Variants in KMT2B observed in about 807,000 individuals in gnomAD.
The protein encoded by KMT2B is lysine methyltransferase 2B, also known as histone-lysine N-methyltransferase 2B.
A neutral mutation model predicts 255.3 loss-of-function variants in KMT2B; 22 were observed. That is an observed-to-expected ratio of 0.09 (90% CI 0.06 to 0.12). KMT2B has a LOEUF of 0.12. Among genes scored for constraint, KMT2B ranks in the 10% least tolerant of loss-of-function variants. The pLI, the probability that KMT2B is intolerant of heterozygous loss-of-function variation, is 1.00. For synonymous variants in KMT2B, 1,730 were observed against 1,498.1 expected, an observed-to-expected ratio of 1.15 and a Z score of -3.57; for missense variants, 3,149 against 3,737.0, an observed-to-expected ratio of 0.84 and a Z score of 4.10.
At chr19:35,732,177 G>A in intron 27 of KMT2B, 38 bp from the exon 28 acceptor site, 1 of 1,568,702 alleles carries the variant, frequency 6.4e-7, no homozygotes, top group Non-Finnish European at 8.7e-7. Flanking sequence ...GAGCCGCGGA[G>A]GTGGGAGCTG....
chr19:35,730,272 T>G, intron 23 of KMT2B, 70 bp from the exon 24 acceptor site: 1 of 1,602,864 alleles, frequency 6.2e-7, no homozygotes, highest in Admixed American at 1.7e-5. Flanking sequence ...AGCCCCTGAC[T>G]GTTCAGACTT....
Position 35,736,790 on chromosome 19 carries a change from T to C in KMT2B, c.7260T>C (p.Ser2420=), listed in dbSNP as rs760291756. The C allele has an allele frequency of 5.0e-6, 8 of 1,613,712 alleles. No homozygotes were observed. Among genetic ancestry groups the C allele is most frequent in the Non-Finnish European group, 6.8e-6 (8 of 1,179,800 alleles). Residue 2420 remains serine (S), a synonymous_variant, in exon 31 of 37, where the codon AGT becomes AGC. Transcript: ENST00000420124. ...CACATCTGCGCTTCGAGATCAGCAG[T>C]GAGGATGGGTTCAGCGTTGAGGCAG... ...TGPHLRFEIS[S]EDGFSVEAES... is the part of the protein sequence containing the mutation.
Position 35,732,102 on chromosome 19 carries a change from G to C in KMT2B, c.5632G>C (p.Gly1878Arg), listed in dbSNP as rs774022585. 3.1e-6 allele frequency: 5 copies of C among 1,603,496 alleles called. No individual in the cohort carries two copies. The highest frequency in any genetic ancestry group is 1.3e-5 in the African/African-American group (1 of 74,498). ...CTACTCGCCATCCCGGAGGCCCTTG[G>C]GGGGTGTCTCCTTTGGCCCCCTGCC... The part of the protein sequence containing the change: ...PNYSPSRRPL[G>R]GVSFGPLPSP... The change falls in exon 27 of 37, where the codon GGG (glycine) becomes CGG (arginine). Residue 1878 changes from glycine (G) to arginine (R), a missense_variant. Around this residue, in one of 18 missense-constraint regions of KMT2B, gnomAD observed 897 missense variants for 825.3 expected, o/e 1.09. Coordinates refer to ENST00000420124, the MANE Select transcript of KMT2B (RefSeq NM_014727.3).
At chr19:35,731,697 G>A (rs1016306967) in intron 26 of KMT2B, among the ~76,000 whole-genome samples, 1 of 152,196 alleles carries the variant, frequency 6.6e-6, no homozygotes, top group African/African-American at 2.4e-5. Flanking sequence ...GGAGCGAGTG[G>A]GGAGAGGCCC....
Position 35,738,062 on chromosome 19 carries a change from A to G in KMT2B, c.7743A>G (p.Arg2581=), listed in dbSNP as rs957375533. 11 of 1,613,776 alleles carry G rather than the reference A, an allele frequency of 6.8e-6. No individual in the cohort carries two copies. The highest frequency in any genetic ancestry group is 9.3e-6 in the Non-Finnish European group (11 of 1,179,834). The change falls in exon 36 of 37, where the codon AGA becomes AGG. Residue 2581 remains arginine, a splice_region_variant and synonymous_variant. Coordinates refer to ENST00000420124, the MANE Select transcript of KMT2B (RefSeq NM_014727.3). The surrounding 1 kb of genome is among the most constrained non-coding windows in gnomAD (Gnocchi z 8.7). ...GTTCCCTGTTCATCCTGCCCTGCAGATCAGCCATCCACGGGCGAGGCCTGT... is the reference window on the plus strand; with the variant it reads ...GTTCCCTGTTCATCCTGCCCTGCAGGTCAGCCATCCACGGGCGAGGCCTGT... The part of the protein sequence containing the change: ...KTSKEAVGVY[R]SAIHGRGLFC...
At chr19:35,736,221 A>C (rs1340847248) in intron 30 of KMT2B, 2 of 162,768 alleles carry the variant, frequency 1.2e-5, no homozygotes, top group Non-Finnish European at 2.7e-5. Context: ...ATTGCATTCC[A>C]GCCTGGGAGA....
At position 35,733,480 on chromosome 19, in the gene KMT2B, C is replaced by T. The variant is rs1317008626; in HGVS notation, c.6931C>T (p.Pro2311Ser). 2.6e-6 allele frequency: 4 copies of T among 1,565,014 alleles called. No homozygotes were observed. The highest frequency in any genetic ancestry group is 4.8e-5 in the East Asian group (2 of 41,696). ...AGATGGAGAGGCCTCAGAGGATACC[C>T]CTCAGGTTCCAGGGCTTGGCAGTGG... is the stretch of plus-strand genomic sequence containing the variant. ...DEDGEASEDT[P>S]QVPGLGSGGF... The change falls in exon 28 of 37, where the codon CCT (proline) becomes TCT (serine). Residue 2311 changes from proline to serine, a missense_variant. Pro to Ser is a moderately conservative substitution (Grantham distance 74). Transcript: ENST00000420124. This position sits in a 1 kb window ranked among gnomAD's most constrained non-coding sequence, Gnocchi z 4.3.
At chr19:35,730,679 A>G (rs1471587325) in intron 25 of KMT2B, 28 bp from the exon 26 acceptor site, 1 of 1,613,796 alleles carries the variant, frequency 6.2e-7, no homozygotes, top group African/African-American at 1.3e-5. Context: ...TTTCCCAAGC[A>G]TCCTAACCGT....
intron 26 of KMT2B, 54 bp downstream of exon 26, chr19:35,730,921 A>G (rs1599691095): frequency 6.7e-7 from 1 of 1,499,236 alleles, no homozygotes; most frequent in South Asian, 1.3e-5. Flanking sequence ...AAACAAACCT[A>G]CAGATCTCTG....
chr19:35,720,769 G>C lies in KMT2B; in HGVS notation c.1422G>C (p.Leu474=), dbSNP rs1599670408. The stretch of plus-strand genomic sequence containing the variant: ...CCAGGAAGAGGGGCCGGCCTCCCCT[G>C]ACTCCCAGCCAGCGGGCGGAGCGGG... The part of the protein sequence containing the change: ...TCSRKRGRPP[L]TPSQRAEREA... Residue 474 remains leucine, a synonymous_variant, in exon 3 of 37, where the codon CTG becomes CTC. Transcript: ENST00000420124. 6.8e-7 allele frequency: 1 copy of C among 1,479,604 alleles called. No homozygotes were observed. Among genetic ancestry groups the C allele is most frequent in the Middle Eastern group, 1.8e-4 (1 of 5,626 alleles). The allele number at this position is 1,479,604 out of a possible 1,614,324, so 91.7% of individuals were successfully genotyped here.
chr19:35,720,405 G>A lies in KMT2B; in HGVS notation c.1058G>A (p.Cys353Tyr). ...RVGSGQGGSP[C>Y]WKKQEQKLDD... ...GGATCTGGACAGGGAGGGAGCCCTT[G>A]CTGGAAAAAGCAGGAACAGAAGCTG... The change falls in exon 3 of 37, where the codon TGC becomes TAC. Residue 353 changes from cysteine to tyrosine, a missense_variant. Transcript: ENST00000420124. 6.4e-7 allele frequency: 1 copy of A among 1,569,396 alleles called. No homozygotes were observed. Among genetic ancestry groups the A allele is most frequent in the Non-Finnish European group, 8.6e-7 (1 of 1,156,848 alleles).
chr19:35,718,855 C>T lies in KMT2B; in HGVS notation c.363+474C>T, dbSNP rs775273652. Among the ~76,000 whole-genome samples the T allele has an allele frequency of 2.0e-5, 3 of 152,146 alleles. No homozygotes were observed. Among genetic ancestry groups the T allele is most frequent in the South Asian group, 4.1e-4 (2 of 4,826 alleles). ...TCTCAGGTAGAGTGGTGGAGGGCTT[C>T]CTCTTGGGGCTCGGGTTGAACAGGA... On this transcript the variant is annotated intron_variant, in intron 1 of 36. Coordinates refer to ENST00000420124, the MANE Select transcript of KMT2B (RefSeq NM_014727.3). The surrounding 1 kb of genome is among the most constrained non-coding windows in gnomAD (Gnocchi z 5.0).
chr19:35,718,459 C>T lies in KMT2B; in HGVS notation c.363+78C>T. ...CCAGGGGTCTGGGTTGTCCCGGGGG[C>T]GGCGTGGGCAGGCCGGGTCCTCAGG... On this transcript the variant is annotated intron_variant, in intron 1 of 36. Transcript: ENST00000420124. This position sits in a 1 kb window ranked among gnomAD's most constrained non-coding sequence, Gnocchi z 5.0. The T allele has an allele frequency of 8.3e-7, 1 of 1,199,474 alleles. No individual in the cohort carries two copies. Among genetic ancestry groups the T allele is most frequent in the Non-Finnish European group, 1.0e-6 (1 of 959,244 alleles). The allele number at this position is 1,199,474 out of a possible 1,614,324, so 74.3% of individuals were successfully genotyped here. A position where few individuals can be genotyped will look rare whatever the true frequency, so the allele number is the denominator to read the frequency against.
Position 35,723,547 on chromosome 19 carries a change from T to C in KMT2B, c.3058+45T>C. 1 of 1,525,098 alleles carries C rather than the reference T, an allele frequency of 6.6e-7. No individual in the cohort carries two copies. Among genetic ancestry groups the C allele is most frequent in the Non-Finnish European group, 8.9e-7 (1 of 1,127,478 alleles). 94.5% of individuals were successfully genotyped at this position (1,525,098 alleles called of 1,614,324 possible). ...ATTTCTTCTCAAAACCGTGTTAGAG[T>C]TTGTGCTGTGGAGGGAGCTGTTTTT... On this transcript the variant is annotated intron_variant, in intron 7 of 36. Coordinates refer to ENST00000420124, the MANE Select transcript of KMT2B (RefSeq NM_014727.3). This position sits in a 1 kb window ranked among gnomAD's most constrained non-coding sequence, Gnocchi z 7.5.
In KMT2B at chr19:35,730,804, C is replaced by T; in HGVS notation, c.5374C>T (p.Pro1792Ser). The change falls in exon 26 of 37, where the codon CCA becomes TCA. Residue 1792 changes from proline to serine, a missense_variant. Pro to Ser is a moderately conservative substitution (Grantham distance 74). Transcript: ENST00000420124. The part of the protein sequence containing the change: ...EYRPWGPREE[P>S]AHLEAAEENQ... ...TCGGCCATGGGGGCCGAGGGAAGAG[C>T]CAGCTCACCTGGAGGCTGCAGAGGA... is the stretch of plus-strand genomic sequence containing the variant. The T allele has an allele frequency of 6.2e-7, 1 of 1,613,718 alleles. No individual in the cohort carries two copies. Among genetic ancestry groups the T allele is most frequent in the Non-Finnish European group, 8.5e-7 (1 of 1,179,820 alleles).
intron 5 of KMT2B, 121 bp downstream of exon 5, chr19:35,722,839 G>A (rs1284482690): frequency 2.1e-6 from 3 of 1,429,712 alleles, no homozygotes; most frequent in African/African-American, 2.9e-5. Context: ...GGTGGCAAGT[G>A]GGCTGGAGTG....
In KMT2B at chr19:35,730,328, AC is replaced by A. The variant is rs770959213; in HGVS notation, c.5077-9del. 1.2e-6 allele frequency: 2 copies of A among 1,608,290 alleles called. No individual in the cohort carries two copies. On this transcript the variant is annotated splice_polypyrimidine_tract_variant and intron_variant, in intron 23 of 36. Transcript: ENST00000420124. ...ACCAATGCAGCCACCTCACTTTGCC[AC>A]CCCCTCTTCCAGGAAATTGTGAACC...
Position 35,729,242 on chromosome 19 carries a change from G to T in KMT2B, c.4863G>T (p.Glu1621Asp). Residue 1621 changes from glutamate to aspartate, a missense_variant, in exon 22 of 37, where the codon GAG becomes GAT. By Grantham distance (45) the Glu-to-Asp change is conservative. Coordinates refer to ENST00000420124, the MANE Select transcript of KMT2B (RefSeq NM_014727.3). ...CAIWSAEVFEENDGSLKNVHA... is the reference protein window; with the variant it reads ...CAIWSAEVFEDNDGSLKNVHA... Reference sequence around the variant, plus strand: ...TCTGGTCGGCGGAAGTCTTCGAGGAGAACGACGGCTCCCTCAAGAATGTGC... The same window carrying T: ...TCTGGTCGGCGGAAGTCTTCGAGGATAACGACGGCTCCCTCAAGAATGTGC... 1 of 1,607,012 alleles carries T rather than the reference G, an allele frequency of 6.2e-7. No homozygotes were observed. The highest frequency in any genetic ancestry group is 8.5e-7 in the Non-Finnish European group (1 of 1,176,752).
rs116812436 is a variant in KMT2B at position 35,738,623 on chromosome 19, C to T, written c.*66C>T. The T allele has an allele frequency of 6.5e-3, 9,919 of 1,533,980 alleles. 384 individuals carry two copies. In the African/African-American group the frequency reaches 0.089, roughly 14 times the overall value. ...CCGTCGCTGCCATCTTGCCCCTAGC[C>T]TGGGGGCTCCCTAGCCCCTCCCAGA... On this transcript the variant is annotated 3_prime_UTR_variant, in exon 37 of 37. Coordinates refer to ENST00000420124, the MANE Select transcript of KMT2B (RefSeq NM_014727.3). The surrounding 1 kb of genome is among the most constrained non-coding windows in gnomAD (Gnocchi z 8.7).
Sources: gnomAD v4.1 joint callset for allele counts (sites outside exome capture counted in the v4.1 genomes callset) on GRCh38, gnomAD v4.1.1 for gene constraint, gnomAD v4.1.1 regional missense constraint, Gnocchi (gnomAD v3.1) non-coding constraint, MANE v1.5 for transcripts, NCBI Gene and HGNC (gene_info 2026-07-23, HGNC 2026-07-21) for gene names.